Variants in LRMDA observed in about 807,000 individuals in gnomAD.
LRMDA encodes leucine-rich melanocyte differentiation-associated protein.
A neutral mutation model predicts 29.8 loss-of-function variants in LRMDA; 18 were observed. That is an observed-to-expected ratio of 0.60 (90% confidence interval 0.42 to 0.90). The LOEUF (loss-of-function observed/expected upper bound fraction) is 0.90. Ranked by LOEUF, LRMDA falls within the 40% of genes least tolerant of loss-of-function variation. The pLI is 0.00. For missense variants in LRMDA, 273 were observed against 273.9 expected, an observed-to-expected ratio of 1.00 and a Z score of 0.02; for synonymous variants, 125 against 109.4, an observed-to-expected ratio of 1.14 and a Z score of -0.89.
intron 2 of LRMDA, among the ~76,000 whole-genome samples, chr10:75,559,240 G>A (rs1397053321): frequency 2.0e-5 from 3 of 151,918 alleles, no homozygotes; most frequent in African/African-American, 7.3e-5. Flanking sequence ...GGTGTGAGAT[G>A]GTATCTCATT....
intron 2 of LRMDA, among the ~76,000 whole-genome samples, chr10:75,442,331 A>G (rs1844335662): frequency 1.3e-5 from 2 of 152,210 alleles, no homozygotes; most frequent in South Asian, 4.1e-4. Flanking sequence ...CAGTAATATT[A>G]ACTATAGCCA....
chr10:76,371,777 T>A (rs1342699193), intron 6 of LRMDA, among the ~76,000 whole-genome samples: 1 of 152,144 alleles, frequency 6.6e-6, no homozygotes, highest in African/African-American at 2.4e-5. Flanking sequence ...GCTTGGCTGG[T>A]CCCAACCTGG....
intron 5 of LRMDA, among the ~76,000 whole-genome samples, chr10:76,284,373 G>T (rs1348103222): frequency 2.0e-5 from 3 of 152,120 alleles, no homozygotes; most frequent in Non-Finnish European, 4.4e-5. Context: ...GGAGCCAGGG[G>T]TGCAAGACAG....
intron 6 of LRMDA, among the ~76,000 whole-genome samples, chr10:76,353,397 C>T (rs1841202135): frequency 6.6e-6 from 1 of 151,516 alleles, no homozygotes; most frequent in Non-Finnish European, 1.5e-5. Flanking sequence ...GCCTCATTTA[C>T]AATGGTTCTT....
At chr10:76,006,207 T>C (rs1847653294) in intron 2 of LRMDA, among the ~76,000 whole-genome samples, 1 of 152,062 alleles carries the variant, frequency 6.6e-6, no homozygotes, top group Non-Finnish European at 1.5e-5. Context: ...CCCACTAATA[T>C]AGGGCAGGTT....
chr10:76,258,736 T>A (rs993881762), intron 5 of LRMDA, among the ~76,000 whole-genome samples: 3 of 152,190 alleles, frequency 2.0e-5, no homozygotes, highest in Non-Finnish European at 2.9e-5. Context: ...GTTCCTGACT[T>A]ATTTCGCTTA....
At chr10:75,619,892 T>C (rs1841159002) in intron 2 of LRMDA, among the ~76,000 whole-genome samples, 1 of 152,218 alleles carries the variant, frequency 6.6e-6, no homozygotes, top group African/African-American at 2.4e-5. Context: ...AATGTAGCAG[T>C]GTATGTTCAA....
chr10:75,645,267 G>A (rs1400755124), intron 2 of LRMDA, among the ~76,000 whole-genome samples: 2 of 152,228 alleles, frequency 1.3e-5, no homozygotes, highest in Non-Finnish European at 2.9e-5. Context: ...ACAGGCGTGA[G>A]CCACCGTGCA....
At chr10:75,594,621 A>G (rs542813688) in intron 2 of LRMDA, among the ~76,000 whole-genome samples, 2 of 152,350 alleles carry the variant, frequency 1.3e-5, no homozygotes, top group Non-Finnish European at 2.9e-5. Flanking sequence ...CCAGCACTGT[A>G]CTTAATATGC....
chr10:76,269,066 C>T (rs1840037464), intron 5 of LRMDA, among the ~76,000 whole-genome samples: 1 of 152,064 alleles, frequency 6.6e-6, no homozygotes, highest in Non-Finnish European at 1.5e-5. Context: ...TTGAAATTTA[C>T]ATTTCTCCCT....
intron 2 of LRMDA, among the ~76,000 whole-genome samples, chr10:75,489,997 G>A (rs1006599598): frequency 6.6e-6 from 1 of 152,152 alleles, no homozygotes; most frequent in African/African-American, 2.4e-5. Context: ...CAGTAGTGGT[G>A]GTGGTAATGG....
At chr10:76,349,928 C>A (rs1027368576) in intron 6 of LRMDA, among the ~76,000 whole-genome samples, 2 of 151,828 alleles carry the variant, frequency 1.3e-5, no homozygotes, top group Non-Finnish European at 2.9e-5. Flanking sequence ...AACAAAAAAA[C>A]AGAAGCCGGA....
intron 2 of LRMDA, among the ~76,000 whole-genome samples, chr10:75,837,812 G>C (rs1339026931): frequency 6.6e-6 from 1 of 152,042 alleles, no homozygotes; most frequent in African/African-American, 2.4e-5. Flanking sequence ...CTCGGAATCT[G>C]TGGAGTAGGA....
chr10:76,103,015 A>T (rs1196687835), intron 5 of LRMDA, among the ~76,000 whole-genome samples: 1 of 152,126 alleles, frequency 6.6e-6, no homozygotes, highest in East Asian at 1.9e-4. Context: ...TTGCCGGGTC[A>T]TGTGGTAATT....
At chr10:76,293,576 A>G (rs1840375900) in intron 5 of LRMDA, among the ~76,000 whole-genome samples, 1 of 152,216 alleles carries the variant, frequency 6.6e-6, no homozygotes, top group Non-Finnish European at 1.5e-5. Flanking sequence ...ACAAAAGACT[A>G]AGAGTTCCCA....
intron 2 of LRMDA, among the ~76,000 whole-genome samples, chr10:75,739,357 G>A (rs550761974): frequency 5.3e-5 from 8 of 152,068 alleles, no homozygotes; most frequent in Non-Finnish European, 8.8e-5. Flanking sequence ...CCCCCTCCTC[G>A]CTCATGAATA....
intron 3 of LRMDA, among the ~76,000 whole-genome samples, chr10:76,045,023 C>CTCTCTTGCTAGTTTACCT (rs1491259199): frequency 1.9e-4 from 28 of 149,802 alleles, no homozygotes; most frequent in African/African-American, 6.6e-4. Context: ...TAGTTTCCCC[C>CTCTCTTGCTAGTTTACCT]TCTCTTGCTA....
rs1435905940 is a variant in LRMDA, at chr10:76,324,498, C to T, written c.601+13C>T. 3.1e-6 allele frequency: 5 copies of T among 1,612,750 alleles called. No homozygotes were observed. In the Admixed American group the frequency reaches 8.3e-5, roughly 27 times the overall value. ...ACCAGTCACCAAGGTTGGAACTCAGCTTTTTATTGCTCTCAGTGGGTGCAG... is the reference window on the plus strand; with the variant it reads ...ACCAGTCACCAAGGTTGGAACTCAGTTTTTTATTGCTCTCAGTGGGTGCAG... On this transcript the variant is annotated intron_variant, in intron 6 of 6. Transcript: ENST00000611255.
chr10:75,578,251 A>C (rs1187943878), intron 2 of LRMDA, among the ~76,000 whole-genome samples: 1 of 149,512 alleles, frequency 6.7e-6, no homozygotes, highest in Non-Finnish European at 1.5e-5. Context: ...CAGCAGTTGC[A>C]ATTGAGTCTC....
Sources: allele counts gnomAD v4.1 joint callset (sites outside exome capture counted in the v4.1 genomes callset), GRCh38; gene constraint gnomAD v4.1.1; transcripts MANE v1.5; gene names NCBI Gene and HGNC (gene_info 2026-07-23, HGNC 2026-07-21).